C19orf47: variants seen among roughly 807,000 people sequenced by gnomAD.
C19orf47 encodes the protein chromosome 19 open reading frame 47, also known as uncharacterized protein C19orf47.
A neutral mutation model predicts 32.3 loss-of-function variants in C19orf47; 18 were observed. The observed-to-expected ratio is 0.56, with a 90% CI of 0.39 to 0.83. The LOEUF is 0.83. C19orf47 is among the 40% of genes least tolerant of loss of function. C19orf47 has a pLI of 0.00. For missense variants in C19orf47, 484 were observed against 531.6 expected (o/e 0.91, Z 0.88); for synonymous variants, 202 against 211.1 (o/e 0.96, Z 0.37).
At chr19:40,342,590 A>G (rs1245170970) in intron 1 of C19orf47, 1 of 152,502 alleles carries the variant, frequency 6.6e-6, no homozygotes, top group Non-Finnish European at 1.5e-5. Flanking sequence ...TAAACAAGCC[A>G]AACAGTTAAT....
At chr19:40,345,075 T>C (rs948883876) in intron 1 of C19orf47, among the ~76,000 whole-genome samples, 1 of 152,192 alleles carries the variant, frequency 6.6e-6, no homozygotes, top group Non-Finnish European at 1.5e-5. Context: ...AGCCAGGTAC[T>C]ATGGTCTGTT....
At chr19:40,346,720 G>A (rs750978356) in intron 1 of C19orf47, among the ~76,000 whole-genome samples, 5 of 151,630 alleles carry the variant, frequency 3.3e-5, no homozygotes, top group Non-Finnish European at 7.4e-5. Context: ...TAGAGACGGG[G>A]TTTCACCGTG....
chr19:40,339,335 T>C (rs1435606869), intron 2 of C19orf47, among the ~76,000 whole-genome samples: 6 of 152,166 alleles, frequency 3.9e-5, no homozygotes. Flanking sequence ...ACTTCAGAAA[T>C]ATTAAGTTGT....
the C19orf47 span, among the ~76,000 whole-genome samples, chr19:40,293,005 CTT>C: frequency 1.3e-5 from 2 of 152,150 alleles, no homozygotes; most frequent in Admixed American, 1.3e-4. Flanking sequence ...CCTCCCATAA[CTT>C]ATGTCACCAC....
Position 40,321,329 on chromosome 19 carries a change from AGG to A in C19orf47, c.*551_*552del. ...GGCCGGAGGTACAGGAGGGTCGGGC[AGG>A]ACGCAGCGGACAGTCGGGCCTTGCC... On this transcript the variant is annotated 3_prime_UTR_variant, in exon 9 of 9. Transcript: ENST00000683109. 1.0e-6 allele frequency: 1 copy of A among 987,124 alleles called. No individual in the cohort carries two copies. The highest frequency in any genetic ancestry group is 1.2e-6 in the Non-Finnish European group (1 of 830,794). 61.1% of individuals were successfully genotyped at this position (987,124 alleles called of 1,614,324 possible). A position where few individuals can be genotyped will look rare whatever the true frequency, so the allele number is the denominator to read the frequency against.
chr19:40,293,161 G>C, the C19orf47 span, among the ~76,000 whole-genome samples: 4 of 150,154 alleles, frequency 2.7e-5, no homozygotes, highest in Non-Finnish European at 4.4e-5. Context: ...TTTTTCTCGA[G>C]ATGGAGTCTC....
At chr19:40,328,933 T>C (rs537957813) in intron 5 of C19orf47, among the ~76,000 whole-genome samples, 14 of 152,226 alleles carry the variant, frequency 9.2e-5, no homozygotes, top group African/African-American at 2.9e-4. Context: ...GTCCCTGCTG[T>C]TCCTTCTGCC....
chr19:40,336,237 G>A lies in C19orf47; in HGVS notation c.108-13C>T. 1 of 1,614,114 alleles carries A rather than the reference G, an allele frequency of 6.2e-7. No homozygotes were observed. The highest frequency in any genetic ancestry group is 1.1e-5 in the South Asian group (1 of 91,082). ...GCTCTTCTGAATCCTGCAGGGAAAG[G>A]TCAGTGGTGAGGCCCCAGGTGGGCC... On this transcript the variant is annotated splice_polypyrimidine_tract_variant and intron_variant, in intron 3 of 8. Transcript: ENST00000683109.
Position 40,321,378 on chromosome 19 carries a change from G to A in C19orf47, c.*504C>T. 1 of 989,860 alleles carries A rather than the reference G, an allele frequency of 1.0e-6. No individual in the cohort carries two copies. The highest frequency in any genetic ancestry group is 1.2e-6 in the Non-Finnish European group (1 of 832,774). 61.3% of individuals were successfully genotyped at this position (989,860 alleles called of 1,614,324 possible). ...TGCCACGGGGACAGAAAACAGAAGA[G>A]AAATGAACAAAGTGAAGACAGGGAG... On this transcript the variant is annotated 3_prime_UTR_variant, in exon 9 of 9. Transcript: ENST00000683109.
intron 5 of C19orf47, among the ~76,000 whole-genome samples, chr19:40,332,972 C>T (rs1482864986): frequency 6.6e-6 from 1 of 151,920 alleles, no homozygotes; most frequent in South Asian, 2.1e-4. Context: ...TAAAATAGCC[C>T]CCTGGACGGG....
At chr19:40,303,803 GA>G in the C19orf47 span, among the ~76,000 whole-genome samples, 15,204 of 45,144 alleles carry the variant, frequency 0.34, 863 homozygotes, top group African/African-American at 0.43. Context: ...GACTTTGTCT[GA>G]AAAAAAAAAA....
At position 40,333,831 on chromosome 19, in the gene C19orf47, C is replaced by G. The variant is rs781428215; in HGVS notation, c.301+20G>C. 2 of 1,531,526 alleles carry G rather than the reference C, an allele frequency of 1.3e-6. No homozygotes were observed. Among genetic ancestry groups the G allele is most frequent in the South Asian group, 2.5e-5 (2 of 81,268 alleles). 94.9% of individuals were successfully genotyped at this position (1,531,526 alleles called of 1,614,324 possible). A position where few individuals can be genotyped will look rare whatever the true frequency, so the allele number is the denominator to read the frequency against. On this transcript the variant is annotated intron_variant, in intron 5 of 8. Coordinates refer to ENST00000683109, the MANE Select transcript of C19orf47 (RefSeq NM_001256441.2). The stretch of plus-strand genomic sequence containing the variant: ...GGGTATAAAAATCAAGGAAAAGAGG[C>G]CTGAATAGTTAGGACTCACCACTGG...
At chr19:40,316,918 T>C (rs1295024953), downstream of C19orf47, among the ~76,000 whole-genome samples, 1 of 151,664 alleles carries the variant, frequency 6.6e-6, no homozygotes, top group Admixed American at 6.6e-5. Context: ...ACGTGTATGC[T>C]TGTACATGGA....
chr19:40,309,193 CT>C, the C19orf47 span, among the ~76,000 whole-genome samples: 1,752 of 141,642 alleles, frequency 0.012, 10 homozygotes, highest in African/African-American at 0.018. Flanking sequence ...TTCTCTCTCT[CT>C]TTTTTTTTTT....
chr19:40,342,725 G>A (rs1214347804), intron 1 of C19orf47, among the ~76,000 whole-genome samples: 1 of 152,160 alleles, frequency 6.6e-6, no homozygotes, highest in African/African-American at 2.4e-5. Flanking sequence ...CTAAAGGGAG[G>A]GAAGCAATGA....
chr19:40,296,157 C>G, the C19orf47 span, among the ~76,000 whole-genome samples: 1 of 152,158 alleles, frequency 6.6e-6, no homozygotes, highest in Non-Finnish European at 1.5e-5. Flanking sequence ...AGTGTATTTA[C>G]GCAAAGCTAG....
chr19:40,303,027 G>A, the C19orf47 span, among the ~76,000 whole-genome samples: 2 of 152,086 alleles, frequency 1.3e-5, no homozygotes, highest in African/African-American at 4.8e-5. Flanking sequence ...GACCACCTGA[G>A]GTCAGGAGTT....
chr19:40,338,262 T>TACACAC (rs751604490), intron 2 of C19orf47, among the ~76,000 whole-genome samples: 37 of 82,904 alleles, frequency 4.5e-4, no homozygotes, highest in African/African-American at 9.0e-4. Context: ...TATATACATA[T>TACACAC]ATATACACAC....
In C19orf47 at chr19:40,325,825, T is replaced by C. The variant is rs981386534; in HGVS notation, c.592+509A>G. Among the ~76,000 whole-genome samples the C allele has an allele frequency of 2.0e-5, 3 of 152,190 alleles. No homozygotes were observed. The East Asian group carries it at 5.8e-4, about 29-fold the overall frequency. ...GCATGGGCCACCGCGCCCAGCCTTT[T>C]TAATAGAGATAGGGGCTCACTATGT... On this transcript the variant is annotated intron_variant, in intron 7 of 8. Transcript: ENST00000683109.
Sources: allele counts gnomAD v4.1 joint callset (sites outside exome capture counted in the v4.1 genomes callset), GRCh38; gene constraint gnomAD v4.1.1; transcripts MANE v1.5; gene names NCBI Gene and HGNC (gene_info 2026-07-23, HGNC 2026-07-21).